Variants in PSMB7 observed in about 807,000 individuals in gnomAD.
PSMB7 encodes proteasome subunit beta type-7.
Under a neutral mutation model 28.1 loss-of-function variants are expected in PSMB7, and 5 were observed. The ratio of observed to expected loss-of-function variants is 0.18; its 90% CI spans 0.09 to 0.37. The LOEUF (loss-of-function observed/expected upper bound fraction) is 0.37, where lower values mean the gene tolerates loss of function less well. Among genes scored for constraint, PSMB7 ranks in the 10% least tolerant of loss-of-function variants. The probability of loss-of-function intolerance (pLI) is 1.00; values close to 1 mark genes in which losing one functional copy is unlikely to be tolerated. For missense variants in PSMB7, 275 were observed against 346.2 expected (o/e 0.79, Z 1.63); for synonymous variants, 122 against 123.7 (o/e 0.99, Z 0.09).
chr9:124,372,604 G>A (rs1830573730), intron 6 of PSMB7, among the ~76,000 whole-genome samples: 1 of 152,068 alleles, frequency 6.6e-6, no homozygotes, highest in Non-Finnish European at 1.5e-5. Flanking sequence ...TTTATTTCCT[G>A]AAATTAAATG....
At chr9:124,382,493 C>A (rs1830677890) in intron 6 of PSMB7, among the ~76,000 whole-genome samples, 1 of 152,106 alleles carries the variant, frequency 6.6e-6, no homozygotes, top group African/African-American at 2.4e-5. Flanking sequence ...TAGGCATGAG[C>A]CGCTGCGCCC....
chr9:124,364,547 C>T (rs1454807709), intron 6 of PSMB7, among the ~76,000 whole-genome samples: 1 of 150,008 alleles, frequency 6.7e-6, no homozygotes, highest in African/African-American at 2.5e-5. Context: ...AAAAAGAAAG[C>T]CTGGGTTTAA....
chr9:124,382,215 TTTTTTTTTTTG>T (rs2131159944), intron 6 of PSMB7, among the ~76,000 whole-genome samples: 1 of 99,894 alleles, frequency 1.0e-5, no homozygotes, highest in East Asian at 2.9e-4. Context: ...TTTTTTTTTT[TTTTTTTTTTTG>T]AGACAAAGTC....
At chr9:124,372,173 A>G (rs1410781767) in intron 6 of PSMB7, among the ~76,000 whole-genome samples, 1 of 152,204 alleles carries the variant, frequency 6.6e-6, no homozygotes, top group African/African-American at 2.4e-5. Context: ...TGCACAAGGA[A>G]TTCCCACCAC....
At chr9:124,371,878 G>GC (rs1830566811) in intron 6 of PSMB7, among the ~76,000 whole-genome samples, 1 of 152,178 alleles carries the variant, frequency 6.6e-6, no homozygotes, top group African/African-American at 2.4e-5. Context: ...AAGACCAGAA[G>GC]TTTTTTGCTT....
At chr9:124,399,561 G>A (rs1479293185) in intron 5 of PSMB7, among the ~76,000 whole-genome samples, 5 of 152,192 alleles carry the variant, frequency 3.3e-5, no homozygotes, top group Non-Finnish European at 5.9e-5. Context: ...TGAAGCCCAG[G>A]GCACAAGGGA....
At chr9:124,406,018 C>A (rs527364780) in intron 4 of PSMB7, among the ~76,000 whole-genome samples, 17 of 152,208 alleles carry the variant, frequency 1.1e-4, no homozygotes, top group Admixed American at 9.8e-4. Context: ...CATTATCATT[C>A]CCATTTTAGA....
intron 6 of PSMB7, among the ~76,000 whole-genome samples, chr9:124,366,467 T>C (rs10818949): frequency 0.077 from 11,693 of 152,318 alleles, 1,027 homozygotes; most frequent in East Asian, 0.46. Flanking sequence ...AGCTGTACAA[T>C]GTGCTTGTGT....
chr9:124,391,173 C>T (rs981243593), intron 5 of PSMB7, among the ~76,000 whole-genome samples: 1 of 152,202 alleles, frequency 6.6e-6, no homozygotes, highest in Non-Finnish European at 1.5e-5. Context: ...GTTTTGTTTG[C>T]TCTTCAGGCA....
At chr9:124,388,826 C>T (rs1830753898) in intron 5 of PSMB7, among the ~76,000 whole-genome samples, 1 of 152,194 alleles carries the variant, frequency 6.6e-6, no homozygotes, top group Admixed American at 6.5e-5. Context: ...ACCCTTCAAA[C>T]TCCAGCTGAG....
At chr9:124,396,464 T>G (rs1830844785) in intron 5 of PSMB7, among the ~76,000 whole-genome samples, 1 of 152,238 alleles carries the variant, frequency 6.6e-6, no homozygotes, top group African/African-American at 2.4e-5. Context: ...CTTACTACTC[T>G]GTCCCACATC....
At chr9:124,372,704 TG>T (rs952821939) in intron 6 of PSMB7, among the ~76,000 whole-genome samples, 1 of 152,260 alleles carries the variant, frequency 6.6e-6, no homozygotes, top group South Asian at 2.1e-4. Context: ...CAGAATGCAA[TG>T]GCAAGGGTAG....
intron 6 of PSMB7, among the ~76,000 whole-genome samples, chr9:124,362,749 A>G (rs1830474744): frequency 6.6e-6 from 1 of 152,236 alleles, no homozygotes; most frequent in Non-Finnish European, 1.5e-5. Context: ...ATTTGAGGTA[A>G]TGCATGTTAA....
At chr9:124,402,727 T>G (rs1195886807) in intron 5 of PSMB7, among the ~76,000 whole-genome samples, 1 of 152,180 alleles carries the variant, frequency 6.6e-6, no homozygotes, top group African/African-American at 2.4e-5. Flanking sequence ...TAAAAACTAC[T>G]TAATAGAAAA....
intron 4 of PSMB7, among the ~76,000 whole-genome samples, chr9:124,410,247 G>GC (rs960291414): frequency 1.3e-5 from 2 of 151,906 alleles, no homozygotes; most frequent in African/African-American, 4.8e-5. Context: ...GCCTGCCTCG[G>GC]CCCCCCAAAG....
chr9:124,356,129 C>T lies in PSMB7; in HGVS notation c.722+635G>A, dbSNP rs549098456. ...GGATGGTCAAGCAGCCGGACAATCACGAGACACTGCAAACGAGCTGCTCCT... is the reference window on the plus strand; with the variant it reads ...GGATGGTCAAGCAGCCGGACAATCATGAGACACTGCAAACGAGCTGCTCCT... On this transcript the variant is annotated intron_variant, in intron 7 of 7. Coordinates refer to ENST00000259457, the MANE Select transcript of PSMB7 (RefSeq NM_002799.4). The surrounding 1 kb of genome is among the most constrained non-coding windows in gnomAD (Gnocchi z 4.4). Among the ~76,000 whole-genome samples, 5 of 152,284 alleles carry T rather than the reference C, an allele frequency of 3.3e-5. No homozygotes were observed. The highest frequency in any genetic ancestry group is 2.1e-4 in the South Asian group (1 of 4,828).
chr9:124,376,619 C>T (rs550652946), intron 6 of PSMB7, among the ~76,000 whole-genome samples: 1 of 152,334 alleles, frequency 6.6e-6, no homozygotes, highest in South Asian at 2.1e-4. Flanking sequence ...GCAGCCCACA[C>T]CTCTGCTCAC....
intron 6 of PSMB7, among the ~76,000 whole-genome samples, chr9:124,365,105 C>T (rs374490027): frequency 2.0e-5 from 3 of 152,224 alleles, no homozygotes; most frequent in Non-Finnish European, 2.9e-5. Flanking sequence ...TCCTGCAAAA[C>T]GGCCAGGTTA....
chr9:124,391,623 T>C (rs919245063), intron 5 of PSMB7, among the ~76,000 whole-genome samples: 2 of 142,704 alleles, frequency 1.4e-5, no homozygotes, highest in East Asian at 4.1e-4. Context: ...TATAACAGCA[T>C]TTATTTTAAA....
Sources: gnomAD v4.1 joint callset for allele counts (sites outside exome capture counted in the v4.1 genomes callset) on GRCh38, gnomAD v4.1.1 for gene constraint, Gnocchi (gnomAD v3.1) non-coding constraint, MANE v1.5 for transcripts, NCBI Gene and HGNC (gene_info 2026-07-23, HGNC 2026-07-21) for gene names.